The following WDFY4 variants were observed in gnomAD, a reference collection of about 807,000 sequenced individuals.
The protein encoded by WDFY4 is WD repeat- and FYVE domain-containing protein 4.
A neutral mutation model predicts 351.9 loss-of-function variants in WDFY4; 169 were observed. That is an observed-to-expected ratio of 0.48 (90% CI 0.42 to 0.55). WDFY4 has a LOEUF of 0.55. Ranked by LOEUF, WDFY4 falls within the 20% of genes least tolerant of loss-of-function variation. The pLI, the probability that WDFY4 is intolerant of heterozygous loss-of-function variation, is 0.00. For missense variants in WDFY4, 3,803 were observed against 3,935.6 expected (o/e 0.97, Z 0.90); for synonymous variants, 1,622 against 1,574.6 (o/e 1.03, Z -0.71).
chr10:48,813,545 A>T (rs1164004096), intron 30 of WDFY4, among the ~76,000 whole-genome samples: 1 of 152,220 alleles, frequency 6.6e-6, no homozygotes, highest in Non-Finnish European at 1.5e-5. Flanking sequence ...CTCAGCTATT[A>T]AAAAGGCAGA....
intron 13 of WDFY4, among the ~76,000 whole-genome samples, chr10:48,768,372 C>T (rs1304018818): frequency 2.0e-5 from 3 of 152,094 alleles, no homozygotes; most frequent in East Asian, 1.9e-4. Context: ...GCAGGGCACC[C>T]GAGGGCCCGA....
At chr10:48,917,683 G>A (rs1437031343) in intron 47 of WDFY4, among the ~76,000 whole-genome samples, 1 of 152,202 alleles carries the variant, frequency 6.6e-6, no homozygotes, top group Non-Finnish European at 1.5e-5. Context: ...TATCAGATGA[G>A]TGAAAAATAA....
In WDFY4 at chr10:48,941,786, C is replaced by T. The variant is rs561789031; in HGVS notation, c.7587-20C>T. 3.9e-4 allele frequency: 610 copies of T among 1,551,800 alleles called. 2 individuals are homozygous for T. In the Middle Eastern group the frequency reaches 5.3e-3, roughly 14 times the overall value. ...TTGCCTTGGTATATTTAGTCACCAC[C>T]TTGGTTTTCTGTCCCACAGGAGATA... On this transcript the variant is annotated intron_variant, in intron 47 of 61. Coordinates refer to ENST00000325239, the MANE Select transcript of WDFY4 (RefSeq NM_001394531.1).
In WDFY4 at chr10:48,815,661, G is replaced by A. The variant is rs141307589; in HGVS notation, c.5340+1579G>A. Among the ~76,000 whole-genome samples the A allele has an allele frequency of 1.3e-3, 195 of 151,962 alleles. 1 individual carries two copies. The highest frequency in any genetic ancestry group is 4.6e-3 in the African/African-American group (190 of 41,474). ...TTTTGTAGAGACGGGGATTCATCAT[G>A]TTGGCCAGGCTCAGAAGTGTTTTTA... On this transcript the variant is annotated intron_variant, in intron 31 of 61. Transcript: ENST00000325239.
At chr10:48,911,531 C>A (rs1183922663) in intron 47 of WDFY4, among the ~76,000 whole-genome samples, 1 of 152,168 alleles carries the variant, frequency 6.6e-6, no homozygotes, top group Non-Finnish European at 1.5e-5. Context: ...AAAGGTACAA[C>A]AGTAACTTAT....
intron 31 of WDFY4, among the ~76,000 whole-genome samples, chr10:48,814,995 G>A (rs1465533472): frequency 6.6e-6 from 1 of 152,210 alleles, no homozygotes; most frequent in South Asian, 2.1e-4. Context: ...GGAAATTGAT[G>A]TTGTTTTACA....
intron 39 of WDFY4, among the ~76,000 whole-genome samples, chr10:48,859,952 T>C (rs1005341539): frequency 6.6e-6 from 1 of 152,240 alleles, no homozygotes; most frequent in African/African-American, 2.4e-5. Context: ...AAAGAATTTA[T>C]CCATTTCATC....
intron 12 of WDFY4, among the ~76,000 whole-genome samples, chr10:48,759,273 C>T (rs2065428347): frequency 6.6e-6 from 1 of 152,174 alleles, no homozygotes; most frequent in Non-Finnish European, 1.5e-5. Flanking sequence ...GGTTAATATA[C>T]AACTTTGTGG....
Position 48,913,349 on chromosome 10 carries a change from CCT to C in WDFY4, c.7586+11493_7586+11494del, listed in dbSNP as rs773773617. The C allele has an allele frequency of 1.9e-6, 3 of 1,576,564 alleles. 1 individual carries two copies. Among genetic ancestry groups the C allele is most frequent in the South Asian group, 2.3e-5 (2 of 88,202 alleles). ...AGGTAGCCCACTGCCCTCTTCCCTC[CCT>C]CTCTCTTTCCCTTCTGCCTCAGGGT... On this transcript the variant is annotated intron_variant, in intron 47 of 61. Coordinates refer to ENST00000325239, the MANE Select transcript of WDFY4 (RefSeq NM_001394531.1).
At chr10:48,810,401 A>T in intron 28 of WDFY4, 129 bp from the exon 29 acceptor site, 2 of 779,604 alleles carry the variant, frequency 2.6e-6, no homozygotes, top group Non-Finnish European at 4.0e-6. Flanking sequence ...TAAATGTAAT[A>T]CATAATAAGT....
intron 60 of WDFY4, among the ~76,000 whole-genome samples, chr10:48,979,288 T>C (rs978666010): frequency 1.6e-4 from 24 of 152,212 alleles, no homozygotes; most frequent in Admixed American, 6.5e-5. Flanking sequence ...GACAGAAGTG[T>C]GTGCATTCTA....
At chr10:48,958,616 G>T (rs1025407553) in intron 52 of WDFY4, among the ~76,000 whole-genome samples, 10 of 151,990 alleles carry the variant, frequency 6.6e-5, no homozygotes, top group African/African-American at 2.4e-4. Flanking sequence ...TTTTTTTTAG[G>T]CACTGGGGAT....
At chr10:48,777,165 T>C (rs1002744670) in intron 16 of WDFY4, among the ~76,000 whole-genome samples, 181 bp downstream of exon 16, 7 of 152,224 alleles carry the variant, frequency 4.6e-5, no homozygotes, top group African/African-American at 1.4e-4. Context: ...TCCCCAGCTA[T>C]GGAGGGCCAA....
chr10:48,906,498 C>T (rs1308662557), intron 47 of WDFY4, among the ~76,000 whole-genome samples: 22 of 152,198 alleles, frequency 1.4e-4, no homozygotes, highest in Non-Finnish European at 2.6e-4. Context: ...CCTGTTCAGA[C>T]TTCTGTGGGG....
intron 54 of WDFY4, among the ~76,000 whole-genome samples, chr10:48,965,640 T>A (rs1842040452): frequency 6.6e-6 from 1 of 152,238 alleles, no homozygotes; most frequent in Non-Finnish European, 1.5e-5. Context: ...AGCTTCCACC[T>A]CTTCTCCCTC....
At chr10:48,932,929 G>A (rs1023597022) in intron 47 of WDFY4, among the ~76,000 whole-genome samples, 21 of 152,128 alleles carry the variant, frequency 1.4e-4, no homozygotes. Context: ...AAGGAGGGGA[G>A]GGCGAAGAGC....
At chr10:48,808,428 A>C (rs2067329384) in intron 28 of WDFY4, among the ~76,000 whole-genome samples, 1 of 152,186 alleles carries the variant, frequency 6.6e-6, no homozygotes, top group Non-Finnish European at 1.5e-5. Flanking sequence ...TTAACTTCTA[A>C]AATCAAGTGT....
chr10:48,923,267 G>C (rs1023370014), intron 47 of WDFY4, among the ~76,000 whole-genome samples: 8 of 151,894 alleles, frequency 5.3e-5, no homozygotes, highest in African/African-American at 1.9e-4. Context: ...GGGGGATGTT[G>C]TGTACCACAG....
At chr10:48,776,613 G>A (rs61075731) in intron 15 of WDFY4, 137 bp from the exon 16 acceptor site, 37,357 of 854,058 alleles carry the variant, frequency 0.044, 1,422 homozygotes, top group East Asian at 0.16. Flanking sequence ...AGCCACCCTC[G>A]CTGGTGCTTA....
Sources: allele counts gnomAD v4.1 joint callset (sites outside exome capture counted in the v4.1 genomes callset), GRCh38; gene constraint gnomAD v4.1.1; transcripts MANE v1.5; gene names NCBI Gene and HGNC (gene_info 2026-07-23, HGNC 2026-07-21).